Variants in DGKB observed in about 807,000 individuals in gnomAD.
DGKB encodes the protein 90 kDa diacylglycerol kinase.
A neutral mutation model predicts 114.3 loss-of-function variants in DGKB; 67 were observed. That is an observed-to-expected ratio of 0.59 (90% CI 0.48 to 0.72). The LOEUF is 0.72. Ranked by LOEUF, DGKB falls within the 30% of genes least tolerant of loss-of-function variation. The pLI, the probability that DGKB is intolerant of heterozygous loss-of-function variation, is 0.00. For missense variants in DGKB, 907 were observed against 975.2 expected (o/e 0.93, Z 0.93); for synonymous variants, 398 against 323.1 (o/e 1.23, Z -2.49).
At chr7:14,888,582 A>T (rs1306945519) in intron 1 of DGKB, among the ~76,000 whole-genome samples, 2 of 151,778 alleles carry the variant, frequency 1.3e-5, no homozygotes, top group African/African-American at 4.8e-5. Flanking sequence ...TAGTGTAAGG[A>T]AAATAAAATG....
intron 20 of DGKB, among the ~76,000 whole-genome samples, chr7:14,499,067 G>T (rs991628415): frequency 1.1e-4 from 16 of 151,718 alleles, no homozygotes; most frequent in Non-Finnish European, 2.1e-4. Flanking sequence ...GTTTCTTAGA[G>T]ATGGGCATCA....
At chr7:14,177,427 G>A (rs991218522) in intron 24 of DGKB, among the ~76,000 whole-genome samples, 1 of 151,870 alleles carries the variant, frequency 6.6e-6, no homozygotes, top group Middle Eastern at 3.4e-3. Context: ...GTGTTGGCGG[G>A]TGCCTGTAAT....
At chr7:14,308,635 T>C (rs1041481912) in intron 23 of DGKB, among the ~76,000 whole-genome samples, 1 of 152,136 alleles carries the variant, frequency 6.6e-6, no homozygotes, top group African/African-American at 2.4e-5. Context: ...AGTTATCAGC[T>C]AAACCTAAAA....
rs576016112 is a variant in DGKB at position 14,871,825 on chromosome 7, T to C, written c.-187-30375A>G. 7.2e-5 allele frequency among the ~76,000 whole-genome samples: 11 copies of C among 152,344 alleles called. No homozygotes were observed. In the South Asian group the frequency reaches 2.3e-3, roughly 32 times the overall value. On this transcript the variant is annotated intron_variant, in intron 1 of 25. Coordinates refer to ENST00000402815, the MANE Select transcript of DGKB (RefSeq NM_001350709.2). The stretch of plus-strand genomic sequence containing the variant: ...TGGGGAGGTGTGGTGATGGATGGCA[T>C]CATGCAGACATTAGTGGATTATAAT...
At position 14,250,890 on chromosome 7, in the gene DGKB, T is replaced by C. The variant is rs571584884; in HGVS notation, c.2123-72739A>G. Reference sequence around the variant, plus strand: ...CCATTATCATAATGTAATAACCTTCTTTGTCTATTGTGACAGGTTTGGACT... The same window carrying C: ...CCATTATCATAATGTAATAACCTTCCTTGTCTATTGTGACAGGTTTGGACT... On this transcript the variant is annotated intron_variant, in intron 23 of 25. Transcript: ENST00000402815. Among the ~76,000 whole-genome samples the C allele has an allele frequency of 2.0e-4, 31 of 152,324 alleles. 1 individual carries two copies. The East Asian group carries it at 5.0e-3, about 25-fold the overall frequency.
chr7:14,931,215 G>A (rs1785002292), intron 1 of DGKB, among the ~76,000 whole-genome samples: 1 of 151,394 alleles, frequency 6.6e-6, no homozygotes, highest in South Asian at 2.1e-4. Context: ...GAGTTCAAGC[G>A]ATTCTCCTGC....
chr7:14,728,110 A>T (rs1220601604), intron 5 of DGKB, among the ~76,000 whole-genome samples: 1 of 152,206 alleles, frequency 6.6e-6, no homozygotes, highest in East Asian at 1.9e-4. Context: ...GCTTATTGAT[A>T]TGTGTAGCAT....
At chr7:14,276,099 G>C (rs1169293937) in intron 23 of DGKB, among the ~76,000 whole-genome samples, 1 of 152,132 alleles carries the variant, frequency 6.6e-6, no homozygotes, top group Non-Finnish European at 1.5e-5. Context: ...ATATCACTAT[G>C]AGGCAAATCA....
At chr7:14,221,628 T>C (rs1789990295) in intron 23 of DGKB, among the ~76,000 whole-genome samples, 1 of 151,508 alleles carries the variant, frequency 6.6e-6, no homozygotes, top group Non-Finnish European at 1.5e-5. Context: ...GTCTGTTATA[T>C]TCTTTTCTTG....
chr7:14,737,818 C>T (rs1206213266), intron 4 of DGKB, among the ~76,000 whole-genome samples: 6 of 150,376 alleles, frequency 4.0e-5, no homozygotes, highest in African/African-American at 7.3e-5. Flanking sequence ...AATTCTAGCC[C>T]GGGAGGTGGA....
chr7:14,348,674 C>A (rs546056481), intron 21 of DGKB, among the ~76,000 whole-genome samples: 64 of 151,862 alleles, frequency 4.2e-4, no homozygotes, highest in African/African-American at 1.5e-3. Flanking sequence ...CATAAAAACA[C>A]TGGTCTATTA....
At chr7:14,937,389 A>G (rs753923796) in intron 1 of DGKB, among the ~76,000 whole-genome samples, 19 of 152,254 alleles carry the variant, frequency 1.2e-4, no homozygotes, top group Non-Finnish European at 2.6e-4. Flanking sequence ...TTTCAGCATA[A>G]TATGGGCAAA....
chr7:14,691,044 G>A (rs1822767767), intron 9 of DGKB, among the ~76,000 whole-genome samples: 1 of 152,072 alleles, frequency 6.6e-6, no homozygotes, highest in South Asian at 2.1e-4. Context: ...CTGCTATTTG[G>A]TATAGAATCT....
intron 20 of DGKB, among the ~76,000 whole-genome samples, chr7:14,498,094 A>G (rs1785567958): frequency 6.6e-6 from 1 of 151,946 alleles, no homozygotes; most frequent in Admixed American, 6.6e-5. Flanking sequence ...AGTTTTAAGT[A>G]TAGAAATATT....
chr7:14,344,049 G>T (rs1247991757), intron 22 of DGKB, among the ~76,000 whole-genome samples: 2 of 147,788 alleles, frequency 1.4e-5, no homozygotes, highest in African/African-American at 4.9e-5. Context: ...TTATTATATA[G>T]ATATACATGC....
intron 23 of DGKB, among the ~76,000 whole-genome samples, chr7:14,296,154 C>T (rs1338794174): frequency 2.0e-5 from 3 of 151,806 alleles, no homozygotes; most frequent in African/African-American, 7.3e-5. Context: ...GCCTCAGACT[C>T]CTGAGTAGCT....
intron 23 of DGKB, among the ~76,000 whole-genome samples, chr7:14,188,707 C>CA (rs1278781280): frequency 6.9e-6 from 1 of 144,778 alleles, no homozygotes; most frequent in Non-Finnish European, 1.5e-5. Context: ...ACATTCAATC[C>CA]AAAAAATTCT....
At chr7:14,351,253 C>T (rs183474116) in intron 21 of DGKB, among the ~76,000 whole-genome samples, 108 of 152,246 alleles carry the variant, frequency 7.1e-4, no homozygotes, top group Non-Finnish European at 8.8e-5. Flanking sequence ...TATTCCTAAA[C>T]GTAGTGAGGT....
At chr7:14,574,169 A>T in intron 20 of DGKB, 43 bp downstream of exon 20, 1 of 1,512,734 alleles carries the variant, frequency 6.6e-7, no homozygotes, top group Non-Finnish European at 9.0e-7. Context: ...CACTGTGATT[A>T]TACAGTACAG....
Sources: allele counts gnomAD v4.1 joint callset (sites outside exome capture counted in the v4.1 genomes callset), GRCh38; gene constraint gnomAD v4.1.1; transcripts MANE v1.5; gene names NCBI Gene and HGNC (gene_info 2026-07-23, HGNC 2026-07-21).